CPHXL2: variants seen among roughly 807,000 people sequenced by gnomAD.
The protein encoded by CPHXL2 is cytoplasmic polyadenylated homeobox-like protein 2.
At chr16:75,672,683 C>G in the CPHXL2 span, among the ~76,000 whole-genome samples, 1 of 152,142 alleles carries the variant, frequency 6.6e-6, no homozygotes, top group African/African-American at 2.4e-5. Context: ...CAGGCCTTCA[C>G]CATGTTGACC....
chr16:75,673,974 C>T, the CPHXL2 span, among the ~76,000 whole-genome samples: 9,447 of 130,562 alleles, frequency 0.072, 434 homozygotes, highest in African/African-American at 0.14. Context: ...AGAGAGATCT[C>T]GTCTTAAAAA....
chr16:75,665,729 G>C, the CPHXL2 span, among the ~76,000 whole-genome samples: 5 of 152,148 alleles, frequency 3.3e-5, no homozygotes, highest in Non-Finnish European at 4.4e-5. Flanking sequence ...TGGACATGGT[G>C]GCAGGCGTCT....
At chr16:75,671,677 A>C in the CPHXL2 span, among the ~76,000 whole-genome samples, 4 of 152,348 alleles carry the variant, frequency 2.6e-5, no homozygotes, top group Non-Finnish European at 5.9e-5. Context: ...GAAACACAAT[A>C]AATATTTTTT....
At chr16:75,663,840 C>T in the CPHXL2 span, among the ~76,000 whole-genome samples, 4 of 141,826 alleles carry the variant, frequency 2.8e-5, no homozygotes, top group Non-Finnish European at 6.0e-5. Flanking sequence ...GAGCTGAGAT[C>T]GTGCCACTGC....
the CPHXL2 span, among the ~76,000 whole-genome samples, chr16:75,674,416 GA>G: frequency 5.6e-5 from 8 of 143,426 alleles, no homozygotes; most frequent in Non-Finnish European, 9.2e-5. Flanking sequence ...TCTGTACTTT[GA>G]AAAAAAATTG....
chr16:75,662,862 AGT>A, the CPHXL2 span, among the ~76,000 whole-genome samples: 1 of 145,000 alleles, frequency 6.9e-6, no homozygotes, highest in African/African-American at 2.6e-5. Flanking sequence ...GCAGTGGCGC[AGT>A]GTCGGCTTAC....
the CPHXL2 span, among the ~76,000 whole-genome samples, chr16:75,664,195 A>G: frequency 2.6e-5 from 4 of 152,348 alleles, no homozygotes; most frequent in South Asian, 8.3e-4. Context: ...CCTAAAATGT[A>G]TAAAACCAAG....
chr16:75,669,678 T>C, the CPHXL2 span: 1 of 395,434 alleles, frequency 2.5e-6, no homozygotes, highest in Non-Finnish European at 4.5e-6. Flanking sequence ...CGTGACCTCA[T>C]AGCTACTCAC....
the CPHXL2 span, among the ~76,000 whole-genome samples, chr16:75,675,679 G>C: frequency 6.6e-6 from 1 of 152,176 alleles, no homozygotes; most frequent in Non-Finnish European, 1.5e-5. Flanking sequence ...GCTTTGTGGT[G>C]AACCTTTCAT....
the CPHXL2 span, chr16:75,660,507 A>G: frequency 1.8e-5 from 7 of 398,560 alleles, no homozygotes; most frequent in Admixed American, 4.4e-5. Flanking sequence ...CTGCTTCTCT[A>G]GATCCCAAGG....
the CPHXL2 span, among the ~76,000 whole-genome samples, chr16:75,662,546 G>A: frequency 1.3e-5 from 2 of 151,852 alleles, no homozygotes; most frequent in Non-Finnish European, 2.9e-5. Context: ...ACTCATTAGT[G>A]TAGAAAAAGA....
At chr16:75,665,572 C>T in the CPHXL2 span, among the ~76,000 whole-genome samples, 42 of 152,224 alleles carry the variant, frequency 2.8e-4, no homozygotes, top group East Asian at 7.1e-3. Flanking sequence ...CAAAAAAACA[C>T]CAAGGTATAG....
the CPHXL2 span, among the ~76,000 whole-genome samples, chr16:75,663,707 C>T: frequency 4.0e-5 from 6 of 151,798 alleles, no homozygotes; most frequent in Admixed American, 3.3e-4. Flanking sequence ...CATGGTGAAA[C>T]CCTGTCTCTA....
chr16:75,661,719 A>G, the CPHXL2 span, among the ~76,000 whole-genome samples: 1 of 152,160 alleles, frequency 6.6e-6, no homozygotes, highest in Non-Finnish European at 1.5e-5. Context: ...TGTTGCATAT[A>G]TGCACATAAT....
chr16:75,669,614 AAAG>A, the CPHXL2 span: 5 of 398,082 alleles, frequency 1.3e-5, no homozygotes, highest in Admixed American at 1.3e-4. Flanking sequence ...TAACCAGACC[AAAG>A]AAGAGTGTTA....
the CPHXL2 span, chr16:75,676,919 A>G: frequency 2.5e-6 from 1 of 398,290 alleles, no homozygotes; most frequent in Non-Finnish European, 4.4e-6. Flanking sequence ...ACCCTACAAA[A>G]CCCTCATTTT....
the CPHXL2 span, among the ~76,000 whole-genome samples, chr16:75,672,921 C>A: frequency 2.6e-5 from 4 of 151,610 alleles, no homozygotes; most frequent in Non-Finnish European, 5.9e-5. Flanking sequence ...AACAAAAAAG[C>A]AAAAAACAAA....
At chr16:75,664,746 C>T in the CPHXL2 span, among the ~76,000 whole-genome samples, 2 of 152,038 alleles carry the variant, frequency 1.3e-5, no homozygotes, top group Admixed American at 1.3e-4. Context: ...ACTTTGCCCT[C>T]ATGAATGGAT....
the CPHXL2 span, among the ~76,000 whole-genome samples, chr16:75,663,415 A>G: frequency 6.6e-6 from 1 of 152,180 alleles, no homozygotes; most frequent in Non-Finnish European, 1.5e-5. Context: ...AACCAAAAAT[A>G]CAATTCTAAG....
Sources: gnomAD v4.1 joint callset for allele counts (sites outside exome capture counted in the v4.1 genomes callset) on GRCh38, gnomAD v4.1.1 for gene constraint, MANE v1.5 for transcripts, NCBI Gene and HGNC (gene_info 2026-07-23, HGNC 2026-07-21) for gene names.